The following PTPN11 variants were observed in gnomAD, a reference collection of about 807,000 sequenced individuals.
PTPN11 encodes the protein protein tyrosine phosphatase non-receptor type 11.
A neutral mutation model predicts 78.8 loss-of-function variants in PTPN11; 6 were observed. The ratio of observed to expected loss-of-function variants is 0.08; its 90% CI spans 0.04 to 0.15. PTPN11 has a LOEUF of 0.15. PTPN11 is among the 10% of genes least tolerant of loss of function. The pLI, the probability that PTPN11 is intolerant of heterozygous loss-of-function variation, is 1.00. For synonymous variants in PTPN11, 221 were observed against 263.5 expected (o/e 0.84, Z 1.56); for missense variants, 386 against 744.8 (o/e 0.52, Z 5.61).
intron 13 of PTPN11, among the ~76,000 whole-genome samples, chr12:112,492,656 T>C (rs575268446): frequency 2.0e-5 from 3 of 152,032 alleles, no homozygotes; most frequent in Non-Finnish European, 4.4e-5. Flanking sequence ...TAGTTGGGAC[T>C]ACAGGCGCCC....
intron 6 of PTPN11, among the ~76,000 whole-genome samples, chr12:112,462,656 C>T (rs996918146): frequency 2.0e-5 from 3 of 152,116 alleles, no homozygotes; most frequent in African/African-American, 7.2e-5. Context: ...TCCCATATCC[C>T]ACTTTTTCTT....
At chr12:112,429,482 T>C (rs992719175) in intron 1 of PTPN11, among the ~76,000 whole-genome samples, 7 of 123,424 alleles carry the variant, frequency 5.7e-5, no homozygotes, top group Non-Finnish European at 1.2e-4. Flanking sequence ...TTGAAACTAC[T>C]TTTTTTTTTT....
intron 1 of PTPN11, among the ~76,000 whole-genome samples, chr12:112,421,399 T>A (rs1256936420): frequency 6.6e-6 from 1 of 152,198 alleles, no homozygotes; most frequent in Non-Finnish European, 1.5e-5. Flanking sequence ...TTATAATCCT[T>A]CCTTTGTTCT....
chr12:112,495,808 C>T (rs2038806606), intron 13 of PTPN11, among the ~76,000 whole-genome samples: 1 of 152,004 alleles, frequency 6.6e-6, no homozygotes, highest in Non-Finnish European at 1.5e-5. Flanking sequence ...TAATGTGTTG[C>T]ATATCTTATG....
intron 13 of PTPN11, among the ~76,000 whole-genome samples, chr12:112,496,710 C>T (rs1031866076): frequency 1.3e-5 from 2 of 152,186 alleles, no homozygotes; most frequent in African/African-American, 4.8e-5. Context: ...TTGTTCAACC[C>T]TGGTATAGGT....
At chr12:112,492,707 C>CG (rs2135920669) in intron 13 of PTPN11, among the ~76,000 whole-genome samples, 2 of 152,008 alleles carry the variant, frequency 1.3e-5, no homozygotes, top group South Asian at 2.1e-4. Context: ...TTAGTAGAGA[C>CG]GGGGTCTCAC....
At chr12:112,434,246 C>A (rs911401247) in intron 1 of PTPN11, among the ~76,000 whole-genome samples, 6 of 151,990 alleles carry the variant, frequency 3.9e-5, no homozygotes, top group African/African-American at 1.2e-4. Flanking sequence ...CACCTCTGCA[C>A]TCCAACCTGC....
At chr12:112,459,390 G>T (rs1369724072) in intron 6 of PTPN11, among the ~76,000 whole-genome samples, 2 of 151,208 alleles carry the variant, frequency 1.3e-5, no homozygotes, top group Non-Finnish European at 2.9e-5. Flanking sequence ...TTTCGACTCT[G>T]CCCCACTCAC....
intron 1 of PTPN11, among the ~76,000 whole-genome samples, chr12:112,430,655 C>T (rs1288101284): frequency 1.3e-5 from 2 of 151,516 alleles, no homozygotes; most frequent in East Asian, 1.9e-4. Context: ...CCAGGCTGGT[C>T]TCAAACCTTT....
intron 2 of PTPN11, among the ~76,000 whole-genome samples, chr12:112,447,297 C>A (rs1219780679): frequency 2.0e-5 from 3 of 152,106 alleles, no homozygotes; most frequent in Non-Finnish European, 4.4e-5. Context: ...CCGTTTCCCT[C>A]CCTCTTTCCC....
chr12:112,449,498 C>T (rs1566166454), intron 2 of PTPN11, among the ~76,000 whole-genome samples: 1 of 140,052 alleles, frequency 7.1e-6, no homozygotes, highest in Non-Finnish European at 1.5e-5. Flanking sequence ...TGGAGTGAGA[C>T]TCTGTCTCAA....
intron 1 of PTPN11, among the ~76,000 whole-genome samples, chr12:112,422,333 G>A (rs2037534690): frequency 6.6e-6 from 1 of 152,170 alleles, no homozygotes; most frequent in Admixed American, 6.5e-5. Context: ...AAGGCATTCA[G>A]CAATTAAGTG....
Position 112,419,140 on chromosome 12 carries a change from G to GGGGCCCGGCGCGGGCCT in PTPN11, c.14+16_14+32dup. The GGGGCCCGGCGCGGGCCT allele has an allele frequency of 6.6e-7, 1 of 1,510,008 alleles. No homozygotes were observed. The highest frequency in any genetic ancestry group is 8.8e-7 in the Non-Finnish European group (1 of 1,132,466). The allele number at this position is 1,510,008 out of a possible 1,614,324, so 93.5% of individuals were successfully genotyped here. On this transcript the variant is annotated intron_variant, in intron 1 of 15. Coordinates refer to ENST00000351677, the MANE Select transcript of PTPN11 (RefSeq NM_002834.5). ...ACATCGCGGAGGTGAGGAGCCCCGA[G>GGGGCCCGGCGCGGGCCT]GGGCCCGGCGCGGGCCTCGGCCCGG... is the stretch of plus-strand genomic sequence containing the variant.
chr12:112,429,481 CTTTTTTTTTTT>C (rs1177861343), intron 1 of PTPN11, among the ~76,000 whole-genome samples: 1 of 110,822 alleles, frequency 9.0e-6, no homozygotes, highest in African/African-American at 3.4e-5. Context: ...GTTGAAACTA[CTTTTTTTTTTT>C]TTTTTTTTTT....
intron 1 of PTPN11, among the ~76,000 whole-genome samples, chr12:112,426,801 T>G (rs567389868): frequency 2.6e-5 from 4 of 152,186 alleles, no homozygotes; most frequent in Admixed American, 2.6e-4. Context: ...CTTTTTTATT[T>G]TATTTATTTT....
chr12:112,487,209 A>C (rs1212369592), intron 11 of PTPN11, among the ~76,000 whole-genome samples: 2 of 149,496 alleles, frequency 1.3e-5, no homozygotes, highest in African/African-American at 5.0e-5. Context: ...ATCTTGGCTC[A>C]CTGCAACCTC....
chr12:112,499,719 G>A (rs1182576630), intron 13 of PTPN11, among the ~76,000 whole-genome samples: 3 of 152,044 alleles, frequency 2.0e-5, no homozygotes, highest in Admixed American at 6.5e-5. Context: ...GGAGGCTGAG[G>A]CAGGAGCATC....
intron 13 of PTPN11, among the ~76,000 whole-genome samples, chr12:112,496,291 C>T (rs2038813736): frequency 6.6e-6 from 1 of 152,160 alleles, no homozygotes; most frequent in Non-Finnish European, 1.5e-5. Context: ...TCTACTTTGG[C>T]ATTACAAAAG....
chr12:112,494,476 GTTA>G (rs141167648), intron 13 of PTPN11, among the ~76,000 whole-genome samples: 5,951 of 151,970 alleles, frequency 0.039, 258 homozygotes, highest in African/African-American at 0.11. Context: ...TATTTTTGTT[GTTA>G]TTGCTTGAAT....
Sources: gnomAD v4.1 joint callset for allele counts (sites outside exome capture counted in the v4.1 genomes callset) on GRCh38, gnomAD v4.1.1 for gene constraint, MANE v1.5 for transcripts, NCBI Gene and HGNC (gene_info 2026-07-23, HGNC 2026-07-21) for gene names.